The following SERPINI2 variants were observed in gnomAD, a reference collection of about 807,000 sequenced individuals.
The protein encoded by SERPINI2 is serpin I2.
A neutral mutation model predicts 47.3 loss-of-function variants in SERPINI2; 48 were observed. The ratio of observed to expected loss-of-function variants is 1.02; its 90% CI spans 0.81 to 1.29. SERPINI2 has a LOEUF of 1.29. Ranked by LOEUF, SERPINI2 falls within the 50% of genes most tolerant of loss-of-function variation. The probability of loss-of-function intolerance (pLI) is 0.00; values close to 1 mark genes in which losing one functional copy is unlikely to be tolerated. For missense variants in SERPINI2, 448 were observed against 456.9 expected, an observed-to-expected ratio of 0.98 and a Z score of 0.18; for synonymous variants, 135 against 149.3, an observed-to-expected ratio of 0.90 and a Z score of 0.70.
At chr3:167,459,078 G>GTTTTTTTTTTTTTTTTTTT (rs536122299) in intron 5 of SERPINI2, among the ~76,000 whole-genome samples, 2 of 139,028 alleles carry the variant, frequency 1.4e-5, no homozygotes, top group African/African-American at 5.3e-5. Context: ...GTTTTTTTTT[G>GTTTTTTTTTTTTTTTTTTT]TTTTTTTTTT....
At chr3:167,474,515 C>T (rs1750436176), upstream of SERPINI2, among the ~76,000 whole-genome samples, 1 of 151,580 alleles carries the variant, frequency 6.6e-6, no homozygotes, top group Non-Finnish European at 1.5e-5. Flanking sequence ...TCAAATTATA[C>T]AATAGTCAGA....
At chr3:167,452,842 A>C (rs1749678920) in intron 6 of SERPINI2, 94 bp downstream of exon 6, 1 of 709,142 alleles carries the variant, frequency 1.4e-6, no homozygotes, top group South Asian at 2.0e-5. Context: ...TATTTATCAG[A>C]GCTGAATGCT....
At chr3:167,465,774 G>C in intron 3 of SERPINI2, 101 bp from the exon 4 acceptor site, 1 of 923,934 alleles carries the variant, frequency 1.1e-6, no homozygotes, top group Non-Finnish European at 1.6e-6. Context: ...TTGCAGATCA[G>C]TTTTGGATAG....
intron 5 of SERPINI2, among the ~76,000 whole-genome samples, chr3:167,456,572 T>C (rs892442915): frequency 3.3e-5 from 5 of 152,336 alleles, no homozygotes; most frequent in African/African-American, 1.2e-4. Flanking sequence ...GCTCACCCTA[T>C]CACTGACTGT....
At chr3:167,466,797 A>G (rs921533751) in intron 3 of SERPINI2, among the ~76,000 whole-genome samples, 4 of 152,108 alleles carry the variant, frequency 2.6e-5, no homozygotes, top group Non-Finnish European at 5.9e-5. Context: ...TATTATTAAA[A>G]TTATTTCATT....
At chr3:167,470,581 G>T (rs1185044453) in intron 2 of SERPINI2, among the ~76,000 whole-genome samples, 2 of 67,780 alleles carry the variant, frequency 3.0e-5, no homozygotes, top group African/African-American at 3.3e-4. Context: ...TTTTTTTTTG[G>T]AGAAGGAGTC....
At chr3:167,451,418 C>T (rs1434514080) in intron 6 of SERPINI2, among the ~76,000 whole-genome samples, 1 of 152,182 alleles carries the variant, frequency 6.6e-6, no homozygotes, top group African/African-American at 2.4e-5. Context: ...TTCATAGTAG[C>T]CTTTAGTGAA....
intron 7 of SERPINI2, among the ~76,000 whole-genome samples, chr3:167,448,275 AGTCG>A (rs1220698551): frequency 6.6e-6 from 1 of 152,224 alleles, no homozygotes; most frequent in African/African-American, 2.4e-5. Flanking sequence ...ATTCTGATTC[AGTCG>A]GTCTAGGGTT....
intron 5 of SERPINI2, among the ~76,000 whole-genome samples, chr3:167,464,651 C>A (rs973275310): frequency 5.9e-5 from 9 of 152,056 alleles, no homozygotes; most frequent in Admixed American, 5.2e-4. Flanking sequence ...TTTGAAGTTT[C>A]TTCTGTCCCT....
intron 8 of SERPINI2, among the ~76,000 whole-genome samples, chr3:167,443,460 A>G (rs905431744): frequency 1.3e-5 from 2 of 152,224 alleles, no homozygotes; most frequent in African/African-American, 4.8e-5. Flanking sequence ...TTGTTTCAAA[A>G]TATTAAAATA....
At chr3:167,457,667 C>A (rs1749838266) in intron 5 of SERPINI2, among the ~76,000 whole-genome samples, 1 of 152,168 alleles carries the variant, frequency 6.6e-6, no homozygotes, top group African/African-American at 2.4e-5. Context: ...TATATACATG[C>A]TTTTTGCTGC....
In SERPINI2 at chr3:167,466,706, G is replaced by A. The variant is rs191675661; in HGVS notation, c.478+349C>T. 1.6e-4 allele frequency among the ~76,000 whole-genome samples: 24 copies of A among 151,984 alleles called. No homozygotes were observed. In the East Asian group the frequency reaches 4.7e-3, roughly 29 times the overall value. ...GCATCTGTGGGAAAGAAGGCATTTG[G>A]GATTGACAGATTTAACTTCTACCTG... On this transcript the variant is annotated intron_variant, in intron 3 of 8. Coordinates refer to ENST00000264677, the Ensembl canonical transcript of SERPINI2.
chr3:167,457,144 A>T (rs2108160840), intron 5 of SERPINI2, among the ~76,000 whole-genome samples: 1 of 152,340 alleles, frequency 6.6e-6, no homozygotes, highest in East Asian at 1.9e-4. Context: ...GCTATTATTA[A>T]GATAATACTA....
chr3:167,456,583 T>C (rs1457814619), intron 5 of SERPINI2, among the ~76,000 whole-genome samples: 1 of 152,152 alleles, frequency 6.6e-6, no homozygotes, highest in African/African-American at 2.4e-5. Context: ...CACTGACTGT[T>C]TGTTCTGTTC....
intron 8 of SERPINI2, among the ~76,000 whole-genome samples, chr3:167,445,437 A>C (rs1560228989): frequency 6.6e-6 from 1 of 152,176 alleles, no homozygotes; most frequent in African/African-American, 2.4e-5. Context: ...ACTCTATGAG[A>C]TGAGCACTAC....
At chr3:167,460,155 G>A (rs1749946127) in intron 5 of SERPINI2, among the ~76,000 whole-genome samples, 1 of 152,174 alleles carries the variant, frequency 6.6e-6, no homozygotes, top group Admixed American at 6.5e-5. Context: ...TGTTATAGCA[G>A]CTCTAGGAAA....
intron 3 of SERPINI2, 41 bp downstream of exon 3, chr3:167,467,014 A>G (rs773826456): frequency 6.9e-7 from 1 of 1,448,544 alleles, no homozygotes; most frequent in Non-Finnish European, 9.6e-7. Context: ...AACCATGAAT[A>G]CAATGGCAAA....
chr3:167,462,272 G>A (rs1560234462), intron 5 of SERPINI2, among the ~76,000 whole-genome samples: 1 of 152,048 alleles, frequency 6.6e-6, no homozygotes, highest in Non-Finnish European at 1.5e-5. Context: ...AGTTTGCTAG[G>A]GCTGCCATAA....
At chr3:167,470,550 C>CTTTTTT (rs536884425) in intron 2 of SERPINI2, among the ~76,000 whole-genome samples, 934 of 92,938 alleles carry the variant, frequency 0.01, 29 homozygotes, top group Non-Finnish European at 0.013. Context: ...TGAGCAACAA[C>CTTTTTT]TTTTTTTTTT....
Sources: allele counts gnomAD v4.1 joint callset (sites outside exome capture counted in the v4.1 genomes callset), GRCh38; gene constraint gnomAD v4.1.1; transcripts MANE v1.5; gene names NCBI Gene and HGNC (gene_info 2026-07-23, HGNC 2026-07-21).